SRRM4: variants seen among roughly 807,000 people sequenced by gnomAD.
SRRM4 encodes serine/arginine repetitive matrix protein 4.
A neutral mutation model predicts 68.9 loss-of-function variants in SRRM4; 33 were observed. That is an observed-to-expected ratio of 0.48 (90% CI 0.36 to 0.64). The LOEUF is 0.64. Among genes scored for constraint, SRRM4 ranks in the 30% least tolerant of loss-of-function variants. SRRM4 has a pLI of 0.00. For synonymous variants in SRRM4, 318 were observed against 318.8 expected (o/e 1.00, Z 0.03); for missense variants, 817 against 827.1 (o/e 0.99, Z 0.15).
intron 2 of SRRM4, 84 bp from the exon 3 acceptor site, chr12:119,114,194 G>A: frequency 8.5e-7 from 1 of 1,173,252 alleles, no homozygotes; most frequent in Non-Finnish European, 1.2e-6. Flanking sequence ...CCAAGGACCT[G>A]GGTCCTTCCC....
At chr12:119,058,458 A>T (rs1409268530) in intron 1 of SRRM4, among the ~76,000 whole-genome samples, 1 of 152,166 alleles carries the variant, frequency 6.6e-6, no homozygotes, top group Non-Finnish European at 1.5e-5. Context: ...CTGAGGCTTG[A>T]AGAGGTTAAA....
chr12:118,995,097 G>A (rs116012506), intron 1 of SRRM4, among the ~76,000 whole-genome samples: 25 of 152,190 alleles, frequency 1.6e-4, no homozygotes, highest in African/African-American at 3.1e-4. Flanking sequence ...TCTGTCAAAA[G>A]GTTTAATAAT....
intron 12 of SRRM4, among the ~76,000 whole-genome samples, 166 bp from the exon 13 acceptor site, chr12:119,156,323 GACTTTT>G (rs1391245428): frequency 6.6e-6 from 1 of 152,210 alleles, no homozygotes; most frequent in African/African-American, 2.4e-5. Flanking sequence ...ACTAAGCTGA[GACTTTT>G]ACTTTGATGT....
intron 8 of SRRM4, 147 bp downstream of exon 8, chr12:119,130,981 C>A: frequency 2.2e-6 from 2 of 906,440 alleles, no homozygotes; most frequent in Non-Finnish European, 3.1e-6. Context: ...AATGATGAAC[C>A]AAATGATCAT....
intron 1 of SRRM4, among the ~76,000 whole-genome samples, chr12:119,067,601 G>A (rs192856269): frequency 3.3e-5 from 5 of 152,220 alleles, no homozygotes; most frequent in East Asian, 1.9e-4. Context: ...CCAGCTACTC[G>A]GGAGGTTCAG....
intron 2 of SRRM4, among the ~76,000 whole-genome samples, chr12:119,108,073 C>A (rs913051226): frequency 7.2e-5 from 11 of 152,112 alleles, no homozygotes; most frequent in Admixed American, 3.3e-4. Context: ...TCGTTATGTA[C>A]CCAGTAGTCA....
intron 8 of SRRM4, among the ~76,000 whole-genome samples, chr12:119,137,630 G>GAGAGAA (rs1954339218): frequency 7.3e-6 from 1 of 136,430 alleles, no homozygotes; most frequent in African/African-American, 2.9e-5. Flanking sequence ...GAGAGAGAGA[G>GAGAGAA]AGAGGAGATA....
chr12:119,048,221 C>T (rs60466934), intron 1 of SRRM4, among the ~76,000 whole-genome samples: 4 of 152,262 alleles, frequency 2.6e-5, no homozygotes, highest in East Asian at 1.9e-4. Context: ...TGCCCCAGAC[C>T]GCAGCTGGAG....
chr12:119,126,501 C>T (rs1383323859), intron 7 of SRRM4, among the ~76,000 whole-genome samples: 1 of 152,150 alleles, frequency 6.6e-6, no homozygotes, highest in Non-Finnish European at 1.5e-5. Flanking sequence ...TGGCTCTAGA[C>T]TTCACTAAGG....
At position 119,160,509 on chromosome 12, in the gene SRRM4, C is replaced by G. The variant is rs987767819; in HGVS notation, c.*3711C>G. 6.6e-6 allele frequency: 1 copy of G among 152,094 alleles called. No individual in the cohort carries two copies. The highest frequency in any genetic ancestry group is 1.9e-4 in the East Asian group (1 of 5,180). The allele number at this position is 152,094 out of a possible 1,614,324, so 9.4% of individuals were successfully genotyped here. A position where few individuals can be genotyped will look rare whatever the true frequency, so the allele number is the denominator to read the frequency against. On this transcript the variant is annotated 3_prime_UTR_variant, in exon 13 of 13. Coordinates refer to ENST00000267260, the MANE Select transcript of SRRM4 (RefSeq NM_194286.4). The stretch of plus-strand genomic sequence containing the variant: ...GACAGATCACCAGGATGCTGCTCGT[C>G]GTGAGGATTTATCTCAAAAACCAAC...
chr12:119,150,310 A>G, intron 9 of SRRM4, among the ~76,000 whole-genome samples: 1 of 152,064 alleles, frequency 6.6e-6, no homozygotes, highest in Non-Finnish European at 1.5e-5. Flanking sequence ...CATCTCTACT[A>G]AAAATACAAA....
intron 1 of SRRM4, among the ~76,000 whole-genome samples, chr12:118,987,537 G>C (rs777785500): frequency 3.9e-5 from 6 of 152,224 alleles, no homozygotes; most frequent in Non-Finnish European, 8.8e-5. Flanking sequence ...ATCAAAGGAA[G>C]TGTTTTATTT....
chr12:119,106,085 G>C (rs980581815), intron 2 of SRRM4, among the ~76,000 whole-genome samples: 2 of 152,104 alleles, frequency 1.3e-5, no homozygotes, highest in Non-Finnish European at 2.9e-5. Context: ...CCCATGTCTT[G>C]TTTTTGTCAG....
chr12:118,987,287 A>C (rs1336744079), intron 1 of SRRM4, among the ~76,000 whole-genome samples: 1 of 152,174 alleles, frequency 6.6e-6, no homozygotes, highest in Non-Finnish European at 1.5e-5. Context: ...TCCATAAAGC[A>C]GATGCTCTTG....
chr12:119,010,660 A>G (rs1378096219), intron 1 of SRRM4, among the ~76,000 whole-genome samples: 1 of 152,228 alleles, frequency 6.6e-6, no homozygotes, highest in Non-Finnish European at 1.5e-5. Context: ...CAAAAATTTT[A>G]AAAAATCTGC....
chr12:119,092,156 C>T (rs957853337), intron 1 of SRRM4, among the ~76,000 whole-genome samples: 1 of 152,136 alleles, frequency 6.6e-6, no homozygotes, highest in African/African-American at 2.4e-5. Context: ...TTTAAAACCC[C>T]ACTGGTAGAA....
intron 12 of SRRM4, among the ~76,000 whole-genome samples, chr12:119,156,161 A>G (rs1954469907): frequency 6.6e-6 from 1 of 152,258 alleles, no homozygotes; most frequent in African/African-American, 2.4e-5. Flanking sequence ...TTTGCCATAA[A>G]TAGATGGTTC....
intron 1 of SRRM4, among the ~76,000 whole-genome samples, chr12:118,986,684 A>T: frequency 6.6e-6 from 1 of 152,164 alleles, no homozygotes; most frequent in Middle Eastern, 3.2e-3. Flanking sequence ...GGGCAAGTAG[A>T]CATGTTAGCC....
chr12:119,019,817 G>A (rs1953503234), intron 1 of SRRM4, among the ~76,000 whole-genome samples: 1 of 152,036 alleles, frequency 6.6e-6, no homozygotes, highest in Non-Finnish European at 1.5e-5. Context: ...ATGTTTGAAG[G>A]GAAAGGAAAC....
Sources: allele counts gnomAD v4.1 joint callset (sites outside exome capture counted in the v4.1 genomes callset), GRCh38; gene constraint gnomAD v4.1.1; transcripts MANE v1.5; gene names NCBI Gene and HGNC (gene_info 2026-07-23, HGNC 2026-07-21).